The following TSHZ2 variants were observed in gnomAD, a reference collection of about 807,000 sequenced individuals.
TSHZ2 encodes the protein teashirt homolog 2.
Under a neutral mutation model 74.4 loss-of-function variants are expected in TSHZ2, and 21 were observed. That is an observed-to-expected ratio of 0.28 (90% CI 0.20 to 0.41). The LOEUF (loss-of-function observed/expected upper bound fraction) is 0.41. Ranked by LOEUF, TSHZ2 falls within the 10% of genes least tolerant of loss-of-function variation. The pLI is 1.00. For synonymous variants in TSHZ2, 540 were observed against 515.3 expected, an observed-to-expected ratio of 1.05 and a Z score of -0.65; for missense variants, 1,244 against 1,293.5, an observed-to-expected ratio of 0.96 and a Z score of 0.59.
intron 1 of TSHZ2, among the ~76,000 whole-genome samples, chr20:53,154,180 A>G (rs1987739148): frequency 6.6e-6 from 1 of 152,226 alleles, no homozygotes; most frequent in African/African-American, 2.4e-5. Context: ...CTAGGGGACT[A>G]GAACAGGGGA....
At chr20:53,137,790 C>A (rs2123404381) in intron 1 of TSHZ2, among the ~76,000 whole-genome samples, 1 of 152,198 alleles carries the variant, frequency 6.6e-6, no homozygotes, top group Middle Eastern at 3.4e-3. Flanking sequence ...CATGTAGTTC[C>A]AAAAATACTA....
At chr20:53,366,694 T>C (rs1167992683) in intron 2 of TSHZ2, among the ~76,000 whole-genome samples, 1 of 152,206 alleles carries the variant, frequency 6.6e-6, no homozygotes, top group Non-Finnish European at 1.5e-5. Flanking sequence ...TAGACAGGGC[T>C]ATTGTTATTA....
intron 1 of TSHZ2, among the ~76,000 whole-genome samples, chr20:53,144,397 A>G (rs1321127110): frequency 6.6e-6 from 1 of 152,220 alleles, no homozygotes; most frequent in Non-Finnish European, 1.5e-5. Context: ...GGAATGAACA[A>G]TGACAGCTTG....
Position 53,493,956 on chromosome 20 carries a change from GACAA to G in TSHZ2, c.*6826_*6829del, listed in dbSNP as rs1156634641. 1 of 152,178 alleles carries G rather than the reference GACAA, an allele frequency of 6.6e-6. No individual in the cohort carries two copies. Among genetic ancestry groups the G allele is most frequent in the African/African-American group, 2.4e-5 (1 of 41,416 alleles). The allele number at this position is 152,178 out of a possible 1,614,324, so 9.4% of individuals were successfully genotyped here. ...CTTTGCCGCATTGTCACTGCCCAAA[GACAA>G]ACAACCACTGGAAATGATGGCTTTC... On this transcript the variant is annotated 3_prime_UTR_variant, in exon 3 of 3. Coordinates refer to ENST00000371497, the MANE Select transcript of TSHZ2 (RefSeq NM_173485.6).
At chr20:53,134,159 C>T (rs976376833) in intron 1 of TSHZ2, among the ~76,000 whole-genome samples, 3 of 152,140 alleles carry the variant, frequency 2.0e-5, no homozygotes, top group East Asian at 1.9e-4. Flanking sequence ...CAACTCAGCA[C>T]GCCAGACCAA....
At chr20:53,356,106 C>T (rs142415948) in intron 2 of TSHZ2, among the ~76,000 whole-genome samples, 3 of 152,172 alleles carry the variant, frequency 2.0e-5, no homozygotes, top group East Asian at 1.9e-4. Context: ...TCATGTGCTA[C>T]GAAGACATTG....
chr20:53,419,151 C>G (rs1414562463), intron 2 of TSHZ2, among the ~76,000 whole-genome samples: 1 of 152,134 alleles, frequency 6.6e-6, no homozygotes, highest in African/African-American at 2.4e-5. Flanking sequence ...CTTTGTGGAC[C>G]AGGTTGTTTT....
At chr20:53,401,868 C>T (rs971829622) in intron 2 of TSHZ2, among the ~76,000 whole-genome samples, 5 of 149,366 alleles carry the variant, frequency 3.3e-5, no homozygotes, top group Admixed American at 2.7e-4. Context: ...CTGCAAGTTC[C>T]GCCTCCCGGG....
chr20:53,225,926 C>A (rs1989674569), intron 1 of TSHZ2, among the ~76,000 whole-genome samples: 1 of 151,936 alleles, frequency 6.6e-6, no homozygotes, highest in African/African-American at 2.4e-5. Flanking sequence ...GTGAAAAATT[C>A]TACTATGGAT....
intron 2 of TSHZ2, among the ~76,000 whole-genome samples, chr20:53,434,751 T>C (rs1983980947): frequency 6.6e-6 from 1 of 152,220 alleles, no homozygotes; most frequent in South Asian, 2.1e-4. Context: ...TTGTGGGCAT[T>C]GTTGAGGTCT....
intron 2 of TSHZ2, among the ~76,000 whole-genome samples, chr20:53,278,207 A>G (rs772930215): frequency 2.3e-4 from 35 of 152,172 alleles, no homozygotes; most frequent in Non-Finnish European, 2.9e-4. Context: ...TATCTAAATC[A>G]GTTGTTGTCT....
intron 2 of TSHZ2, among the ~76,000 whole-genome samples, chr20:53,345,823 G>A (rs1012232413): frequency 6.6e-6 from 1 of 151,604 alleles, no homozygotes; most frequent in Non-Finnish European, 1.5e-5. Flanking sequence ...TAAGGCGGTG[G>A]CGTGATCACG....
chr20:53,485,667 C>A (rs1336784047), intron 2 of TSHZ2, among the ~76,000 whole-genome samples: 1 of 151,862 alleles, frequency 6.6e-6, no homozygotes, highest in African/African-American at 2.4e-5. Flanking sequence ...CCACATCGTG[C>A]CACTGCACTC....
intron 2 of TSHZ2, among the ~76,000 whole-genome samples, chr20:53,372,253 AC>A (rs1377923115): frequency 6.6e-6 from 1 of 152,138 alleles, no homozygotes; most frequent in Non-Finnish European, 1.5e-5. Flanking sequence ...AGGCAGGCGG[AC>A]CACTTGAGGT....
chr20:53,116,010 C>T (rs112236847), intron 1 of TSHZ2, among the ~76,000 whole-genome samples: 308 of 152,256 alleles, frequency 2.0e-3, no homozygotes, highest in Non-Finnish European at 3.6e-3. Flanking sequence ...ACCAAGCTAT[C>T]GTGAGACAGG....
chr20:53,296,164 T>G (rs918688875), intron 2 of TSHZ2, among the ~76,000 whole-genome samples: 3 of 152,138 alleles, frequency 2.0e-5, no homozygotes, highest in Admixed American at 2.0e-4. Context: ...TGTGCTTCCT[T>G]CATAAATTTT....
chr20:53,437,607 G>A (rs909417530), intron 2 of TSHZ2, among the ~76,000 whole-genome samples: 11 of 152,372 alleles, frequency 7.2e-5, no homozygotes, highest in African/African-American at 2.2e-4. Flanking sequence ...TGCTTAAGTG[G>A]TGTCACTGGA....
chr20:53,042,742 C>T (rs1345208168), intron 1 of TSHZ2, among the ~76,000 whole-genome samples: 1 of 150,850 alleles, frequency 6.6e-6, no homozygotes, highest in Non-Finnish European at 1.5e-5. Flanking sequence ...GCTTCCAAGG[C>T]TACCAAGGAG....
chr20:52,993,513 T>C (rs1256548300), intron 1 of TSHZ2, among the ~76,000 whole-genome samples: 3 of 152,306 alleles, frequency 2.0e-5, no homozygotes, highest in East Asian at 3.9e-4. Context: ...CAAGAAAAGT[T>C]CTGTGCTTTG....
Sources: allele counts gnomAD v4.1 joint callset (sites outside exome capture counted in the v4.1 genomes callset), GRCh38; gene constraint gnomAD v4.1.1; transcripts MANE v1.5; gene names NCBI Gene and HGNC (gene_info 2026-07-23, HGNC 2026-07-21).